The following B4GALNT3 variants were observed in gnomAD, a reference collection of about 807,000 sequenced individuals.
B4GALNT3 encodes the protein beta-1,4-N-acetyl-galactosaminyltransferase 3.
In B4GALNT3, 86 loss-of-function variants were observed where a neutral mutation model predicts 120.2. That is an observed-to-expected ratio of 0.72 (90% CI 0.60 to 0.86). B4GALNT3 has a LOEUF of 0.86. Ranked by LOEUF, B4GALNT3 falls within the 40% of genes least tolerant of loss-of-function variation. The pLI is 0.00. For synonymous variants in B4GALNT3, 518 were observed against 510.4 expected (o/e 1.01, Z -0.20); for missense variants, 1,167 against 1,298.9 (o/e 0.90, Z 1.56).
At chr12:511,513 T>TCTTCCAC (rs747924756) in intron 1 of B4GALNT3, among the ~76,000 whole-genome samples, 1 of 84,792 alleles carries the variant, frequency 1.2e-5, no homozygotes, top group Non-Finnish European at 2.4e-5. Flanking sequence ...CCTTCCACCT[T>TCTTCCAC]CTTCCACCTT....
chr12:465,860 A>C (rs1164049031), intron 1 of B4GALNT3, among the ~76,000 whole-genome samples: 1 of 142,512 alleles, frequency 7.0e-6, no homozygotes, highest in Non-Finnish European at 1.5e-5. Flanking sequence ...CCCCTGCTTG[A>C]TGGTGCTGGG....
intron 1 of B4GALNT3, among the ~76,000 whole-genome samples, chr12:507,456 C>T (rs754051897): frequency 4.6e-5 from 7 of 152,162 alleles, no homozygotes; most frequent in Non-Finnish European, 1.0e-4. Context: ...ACAGACGCTT[C>T]CACTGTCTTG....
intron 1 of B4GALNT3, among the ~76,000 whole-genome samples, chr12:531,935 G>T (rs1487695987): frequency 6.6e-6 from 1 of 151,454 alleles, no homozygotes; most frequent in African/African-American, 2.4e-5. Flanking sequence ...TTTATAATTG[G>T]TAGATATACA....
chr12:499,687 C>A (rs967430623), intron 1 of B4GALNT3, among the ~76,000 whole-genome samples: 1 of 151,172 alleles, frequency 6.6e-6, no homozygotes, highest in African/African-American at 2.4e-5. Context: ...GGAGCCCGTG[C>A]TCTCACTATC....
At chr12:541,857 C>T (rs1946921358) in intron 3 of B4GALNT3, among the ~76,000 whole-genome samples, 2 of 128,160 alleles carry the variant, frequency 1.6e-5, no homozygotes, top group Non-Finnish European at 3.4e-5. Context: ...CCCCACCCCC[C>T]CCCACCCCCC....
rs746362499 is a variant in B4GALNT3 at position 558,581 on chromosome 12, A to G, written c.2681A>G (p.Lys894Arg). Residue 894 changes from lysine (K) to arginine (R), a missense_variant, in exon 18 of 20, where the codon AAG (lysine) becomes AGG (arginine). By Grantham distance (26) the Lys-to-Arg change is conservative. This residue lies in a region of B4GALNT3 where 983 missense variants were observed against 1,102.5 expected (regional missense o/e 0.89). Transcript: ENST00000266383. The part of the protein sequence containing the change: ...FPAGVIDAIR[K>R]HCVEGKMAFA... ...GCTGGAGTCATCGATGCCATTCGGAAGCACTGTGTGGAGGGAAAGATGGCC... is the reference window on the plus strand; with the variant it reads ...GCTGGAGTCATCGATGCCATTCGGAGGCACTGTGTGGAGGGAAAGATGGCC... The G allele has an allele frequency of 1.2e-6, 2 of 1,614,182 alleles. No individual in the cohort carries two copies. The highest frequency in any genetic ancestry group is 2.2e-5 in the South Asian group (2 of 91,090).
At chr12:504,324 AAAG>A (rs1196259223) in intron 1 of B4GALNT3, among the ~76,000 whole-genome samples, 1 of 151,464 alleles carries the variant, frequency 6.6e-6, no homozygotes, top group Non-Finnish European at 1.5e-5. Flanking sequence ...AAAAAAAAAA[AAAG>A]AAAATGAAAT....
intron 1 of B4GALNT3, among the ~76,000 whole-genome samples, chr12:512,361 G>T (rs1414520298): frequency 1.9e-5 from 1 of 52,738 alleles, no homozygotes; most frequent in African/African-American, 8.5e-5. Flanking sequence ...TTCCGCCTTC[G>T]ACCTTCTTCC....
At chr12:519,921 C>T (rs956834230) in intron 1 of B4GALNT3, among the ~76,000 whole-genome samples, 1 of 152,172 alleles carries the variant, frequency 6.6e-6, no homozygotes, top group African/African-American at 2.4e-5. Context: ...GGGTTAGTCC[C>T]TTTCATATTC....
chr12:538,592 C>G (rs1946884891), intron 3 of B4GALNT3, among the ~76,000 whole-genome samples: 1 of 149,580 alleles, frequency 6.7e-6, no homozygotes, highest in African/African-American at 2.5e-5. Context: ...GAAATATTGG[C>G]TATTTTAGTA....
intron 1 of B4GALNT3, among the ~76,000 whole-genome samples, chr12:475,918 C>T (rs141649483): frequency 2.4e-4 from 37 of 152,270 alleles, no homozygotes; most frequent in African/African-American, 7.9e-4. Context: ...AGAATCGGGT[C>T]GGCGCAGGCT....
At chr12:558,759 C>T in intron 18 of B4GALNT3, 98 bp downstream of exon 18, 3 of 1,313,926 alleles carry the variant, frequency 2.3e-6, no homozygotes, top group Admixed American at 2.2e-5. Flanking sequence ...CGTCAGCATC[C>T]TCCTCCCCTG....
In B4GALNT3 at chr12:545,158, G is replaced by A. The variant is rs1404519569; in HGVS notation, c.538+186G>A. On this transcript the variant is annotated intron_variant, in intron 5 of 19. Transcript: ENST00000266383. ...CCCACAGGCTGCTGCTTTGCTCCCT[G>A]GTTTGCAGCCTGGAACCAGCTCATC... 3.5e-6 allele frequency: 5 copies of A among 1,442,096 alleles called. No homozygotes were observed. In the African/African-American group the frequency reaches 5.7e-5, roughly 16 times the overall value. The allele number at this position is 1,442,096 out of a possible 1,614,324, so 89.3% of individuals were successfully genotyped here. A position where few individuals can be genotyped will look rare whatever the true frequency, so the allele number is the denominator to read the frequency against.
chr12:500,536 A>T (rs1391900648), intron 1 of B4GALNT3, among the ~76,000 whole-genome samples: 3 of 152,206 alleles, frequency 2.0e-5, no homozygotes, highest in Non-Finnish European at 4.4e-5. Context: ...AGAATGATGC[A>T]GTGGGCAGAA....
Position 491,633 on chromosome 12 carries a change from T to A in B4GALNT3, c.169+31088T>A, listed in dbSNP as rs573690306. Among the ~76,000 whole-genome samples, 9 of 152,098 alleles carry A rather than the reference T, an allele frequency of 5.9e-5. 1 individual carries two copies. In the East Asian group the frequency reaches 1.4e-3, roughly 23 times the overall value. On this transcript the variant is annotated intron_variant, in intron 1 of 19. Coordinates refer to ENST00000266383, the MANE Select transcript of B4GALNT3 (RefSeq NM_173593.4). ...CATGAACCACCACACCCAGCCTGATTTGTGATACAAATTCTTAATAAACTA... is the reference window on the plus strand; with the variant it reads ...CATGAACCACCACACCCAGCCTGATATGTGATACAAATTCTTAATAAACTA...
intron 3 of B4GALNT3, among the ~76,000 whole-genome samples, chr12:538,534 G>C (rs1157148420): frequency 4.3e-5 from 6 of 137,982 alleles, no homozygotes; most frequent in Non-Finnish European, 3.0e-5. Flanking sequence ...ACTCCAGCCT[G>C]AGTGACAGAG....
At chr12:522,186 G>A (rs978318589) in intron 1 of B4GALNT3, among the ~76,000 whole-genome samples, 5 of 152,178 alleles carry the variant, frequency 3.3e-5, no homozygotes, top group Admixed American at 6.5e-5. Flanking sequence ...AGCATGGCAA[G>A]CAAGGGCTCT....
intron 3 of B4GALNT3, among the ~76,000 whole-genome samples, chr12:536,927 C>T (rs375361633): frequency 1.3e-5 from 2 of 152,256 alleles, no homozygotes; most frequent in South Asian, 2.1e-4. Context: ...ATCTTAAATC[C>T]CATAAGATAT....
At chr12:488,311 G>A (rs1407672091) in intron 1 of B4GALNT3, among the ~76,000 whole-genome samples, 1 of 152,100 alleles carries the variant, frequency 6.6e-6, no homozygotes, top group Non-Finnish European at 1.5e-5. Context: ...TAAAGAGAAA[G>A]AAAATGATAC....
Sources: gnomAD v4.1 joint callset for allele counts (sites outside exome capture counted in the v4.1 genomes callset) on GRCh38, gnomAD v4.1.1 for gene constraint, gnomAD v4.1.1 regional missense constraint, MANE v1.5 for transcripts, NCBI Gene and HGNC (gene_info 2026-07-23, HGNC 2026-07-21) for gene names.